LHFPL3: variants seen among roughly 807,000 people sequenced by gnomAD.
LHFPL3 encodes LHFPL tetraspan subfamily member 3, also known as LHFPL tetraspan subfamily member 3 protein.
LHFPL3 carries 5 observed loss-of-function variants against 19.3 expected under a neutral mutation model. The ratio of observed to expected loss-of-function variants is 0.26; its 90% CI spans 0.14 to 0.54. The LOEUF (loss-of-function observed/expected upper bound fraction) is 0.54, where lower values mean the gene tolerates loss of function less well. Among genes scored for constraint, LHFPL3 ranks in the 20% least tolerant of loss-of-function variants. The pLI, the probability that LHFPL3 is intolerant of heterozygous loss-of-function variation, is 0.94. For missense variants in LHFPL3, 249 were observed against 307.4 expected (o/e 0.81, Z 1.42); for synonymous variants, 133 against 126.2 (o/e 1.05, Z -0.36).
At chr7:104,708,904 C>T (rs976388336) in intron 1 of LHFPL3, among the ~76,000 whole-genome samples, 17 of 152,098 alleles carry the variant, frequency 1.1e-4, no homozygotes, top group African/African-American at 3.4e-4. Flanking sequence ...TTAGATTTGT[C>T]TTCATCACCA....
chr7:104,705,330 T>G (rs770685594), intron 1 of LHFPL3, among the ~76,000 whole-genome samples: 23 of 152,212 alleles, frequency 1.5e-4, no homozygotes, highest in Non-Finnish European at 2.9e-4. Context: ...TTTCCTCATT[T>G]CCTTGGGATT....
chr7:104,566,114 G>C (rs1056446769), intron 1 of LHFPL3, among the ~76,000 whole-genome samples: 1 of 152,204 alleles, frequency 6.6e-6, no homozygotes, highest in South Asian at 2.1e-4. Flanking sequence ...TTGGGAGGTC[G>C]GGGTGGGAGG....
At chr7:104,523,945 A>T (rs1465842588) in intron 1 of LHFPL3, among the ~76,000 whole-genome samples, 2 of 152,220 alleles carry the variant, frequency 1.3e-5, no homozygotes, top group African/African-American at 4.8e-5. Context: ...TCAATTATTT[A>T]AAAAATTCCT....
At chr7:104,521,735 C>G (rs1440757156) in intron 1 of LHFPL3, among the ~76,000 whole-genome samples, 1 of 152,158 alleles carries the variant, frequency 6.6e-6, no homozygotes, top group African/African-American at 2.4e-5. Context: ...AGGACATGAA[C>G]AGACACTTCT....
At chr7:104,343,166 T>A (rs548874607) in intron 1 of LHFPL3, among the ~76,000 whole-genome samples, 5 of 152,032 alleles carry the variant, frequency 3.3e-5, no homozygotes, top group East Asian at 1.9e-4. Flanking sequence ...TCATTTGAAA[T>A]TTTTCCCCAA....
At chr7:104,355,747 G>A (rs913211426) in intron 1 of LHFPL3, among the ~76,000 whole-genome samples, 15 of 152,114 alleles carry the variant, frequency 9.9e-5, no homozygotes, top group African/African-American at 2.7e-4. Context: ...AGTAAGTGTC[G>A]CATGTTTAAA....
intron 1 of LHFPL3, among the ~76,000 whole-genome samples, chr7:104,375,888 A>G (rs906301493): frequency 6.6e-6 from 1 of 152,194 alleles, no homozygotes; most frequent in African/African-American, 2.4e-5. Context: ...ACGGTTTTGC[A>G]TTAATCTTTT....
chr7:104,615,338 C>T (rs1432386841), intron 1 of LHFPL3, among the ~76,000 whole-genome samples: 2 of 152,154 alleles, frequency 1.3e-5, no homozygotes, highest in Non-Finnish European at 1.5e-5. Flanking sequence ...GCAAATAAAG[C>T]ATTAACAATC....
chr7:104,429,098 A>C (rs1204190847), intron 1 of LHFPL3, among the ~76,000 whole-genome samples: 2 of 152,134 alleles, frequency 1.3e-5, no homozygotes, highest in Non-Finnish European at 2.9e-5. Context: ...GGTATTTTTC[A>C]TTTTATTAAG....
chr7:104,672,482 T>G (rs6466009), intron 1 of LHFPL3, among the ~76,000 whole-genome samples: 151,103 of 152,298 alleles, frequency 0.99, 74,964 homozygotes, highest in East Asian at 1. Flanking sequence ...AGGAGTGAAT[T>G]ATATGAAACC....
At chr7:104,522,303 C>T (rs1463594412) in intron 1 of LHFPL3, among the ~76,000 whole-genome samples, 4 of 148,724 alleles carry the variant, frequency 2.7e-5, no homozygotes, top group East Asian at 4.0e-4. Flanking sequence ...AACCAAACAC[C>T]GCATATTCTC....
intron 1 of LHFPL3, among the ~76,000 whole-genome samples, chr7:104,511,884 C>T (rs1212526937): frequency 2.0e-5 from 3 of 151,408 alleles, no homozygotes; most frequent in Middle Eastern, 6.9e-3. Context: ...TAAGTATGTC[C>T]TCTGAGAAAC....
intron 1 of LHFPL3, among the ~76,000 whole-genome samples, chr7:104,477,281 G>A (rs1562909759): frequency 2.6e-5 from 4 of 152,146 alleles, no homozygotes; most frequent in Admixed American, 6.5e-5. Context: ...GTGAGCCAGT[G>A]CGCCCAGCCC....
Position 104,431,389 on chromosome 7 carries a change from C to T in LHFPL3, c.445+102165C>T, listed in dbSNP as rs545169629. 3.2e-4 allele frequency among the ~76,000 whole-genome samples: 49 copies of T among 152,198 alleles called. 2 individuals carry two copies. The highest frequency in any genetic ancestry group is 1.3e-4 in the Non-Finnish European group (9 of 68,036). On this transcript the variant is annotated intron_variant, in intron 1 of 2. Transcript: ENST00000424859. Reference sequence around the variant, plus strand: ...TGAGACTCCTTCATCCTTTCAGTCCCTGCATGCCTACACCATGTTGATATC... The same window carrying T: ...TGAGACTCCTTCATCCTTTCAGTCCTTGCATGCCTACACCATGTTGATATC...
At chr7:104,806,213 T>C (rs1790359447) in intron 2 of LHFPL3, among the ~76,000 whole-genome samples, 1 of 152,232 alleles carries the variant, frequency 6.6e-6, no homozygotes, top group African/African-American at 2.4e-5. Context: ...TTTGGGAAAG[T>C]ATATGCCACA....
intron 1 of LHFPL3, among the ~76,000 whole-genome samples, chr7:104,444,374 C>T (rs1048539012): frequency 9.2e-5 from 14 of 152,098 alleles, no homozygotes; most frequent in African/African-American, 3.4e-4. Context: ...ACTGAAATCC[C>T]TTGAACTGAG....
At chr7:104,867,238 C>G (rs747496066) in intron 2 of LHFPL3, among the ~76,000 whole-genome samples, 14 of 151,938 alleles carry the variant, frequency 9.2e-5, no homozygotes, top group Admixed American at 5.3e-4. Context: ...GAGCAGAAGT[C>G]AAGGAGATAG....
chr7:104,411,123 A>G (rs1305436054), intron 1 of LHFPL3, among the ~76,000 whole-genome samples: 2 of 152,190 alleles, frequency 1.3e-5, no homozygotes, highest in Non-Finnish European at 2.9e-5. Flanking sequence ...ATATGAGTTT[A>G]GTTGTATGGA....
At chr7:104,854,070 G>C (rs10243529) in intron 2 of LHFPL3, among the ~76,000 whole-genome samples, 13,624 of 152,156 alleles carry the variant, frequency 0.09, 1,320 homozygotes, top group East Asian at 0.44. Flanking sequence ...ATAAAAGACA[G>C]GTTAACAAGA....
Sources: allele counts gnomAD v4.1 joint callset (sites outside exome capture counted in the v4.1 genomes callset), GRCh38; gene constraint gnomAD v4.1.1; transcripts MANE v1.5; gene names NCBI Gene and HGNC (gene_info 2026-07-23, HGNC 2026-07-21).